The following WDR41 variants were observed in gnomAD, a reference collection of about 807,000 sequenced individuals.
WDR41 encodes WD repeat-containing protein 41.
WDR41 carries 63 observed loss-of-function variants against 69.3 expected under a neutral mutation model. That is an observed-to-expected ratio of 0.91 (90% CI 0.74 to 1.12). WDR41 has a LOEUF of 1.12. Among genes scored for constraint, WDR41 ranks in the 50% most tolerant of loss-of-function variants. WDR41 has a pLI of 0.00. For synonymous variants in WDR41, 185 were observed against 192.1 expected (o/e 0.96, Z 0.31); for missense variants, 543 against 534.5 (o/e 1.02, Z -0.16).
At chr5:77,435,242 A>G (rs1798894037) in intron 12 of WDR41, among the ~76,000 whole-genome samples, 1 of 152,120 alleles carries the variant, frequency 6.6e-6, no homozygotes, top group African/African-American at 2.4e-5. Flanking sequence ...AAGGCTATAT[A>G]CTCATCCTAC....
At chr5:77,529,468 C>A (rs1802495368) in intron 1 of WDR41, among the ~76,000 whole-genome samples, 2 of 151,346 alleles carry the variant, frequency 1.3e-5, no homozygotes, top group South Asian at 2.1e-4. Flanking sequence ...TACAGAGAAA[C>A]AATAAAACCA....
chr5:77,601,554 A>C (rs73765370), intron 1 of WDR41, among the ~76,000 whole-genome samples: 6,001 of 152,264 alleles, frequency 0.039, 381 homozygotes, highest in African/African-American at 0.14. Flanking sequence ...AACTAGCTTG[A>C]AGATGCATTG....
At chr5:77,437,462 A>G (rs779912203) in intron 10 of WDR41, 38 bp from the exon 11 acceptor site, 1 of 1,551,564 alleles carries the variant, frequency 6.4e-7, no homozygotes, top group Admixed American at 1.7e-5. Context: ...AAAAGAGCGC[A>G]CCACTGAGGG....
At chr5:77,588,802 AT>A (rs1744084456) in intron 1 of WDR41, among the ~76,000 whole-genome samples, 2 of 152,198 alleles carry the variant, frequency 1.3e-5, no homozygotes, top group African/African-American at 2.4e-5. Flanking sequence ...TTTAAAAAAA[AT>A]CTTTAATATT....
chr5:77,553,011 A>G (rs1265295399), intron 1 of WDR41, among the ~76,000 whole-genome samples: 3 of 152,228 alleles, frequency 2.0e-5, no homozygotes, highest in Admixed American at 2.0e-4. Flanking sequence ...CACCAACTGC[A>G]TGATCCATAA....
intron 1 of WDR41, among the ~76,000 whole-genome samples, chr5:77,510,842 G>C (rs1802186955): frequency 6.9e-6 from 1 of 144,650 alleles, no homozygotes; most frequent in Admixed American, 7.2e-5. Flanking sequence ...CGTGATCTCG[G>C]CTCACTGCAA....
intron 2 of WDR41, among the ~76,000 whole-genome samples, chr5:77,479,176 T>C (rs1801105667): frequency 1.3e-5 from 2 of 151,722 alleles, no homozygotes; most frequent in Admixed American, 6.6e-5. Context: ...TAAAAGAGGA[T>C]ACAAACAAAT....
chr5:77,435,417 T>C (rs1371933619), intron 12 of WDR41, among the ~76,000 whole-genome samples: 1 of 152,148 alleles, frequency 6.6e-6, no homozygotes, highest in Non-Finnish European at 1.5e-5. Flanking sequence ...CACTCAAGGG[T>C]AAGATCCATG....
Position 77,453,880 on chromosome 5 carries a change from C to T in WDR41, c.460G>A (p.Asp154Asn). 6.2e-7 allele frequency: 1 copy of T among 1,614,106 alleles called. No individual in the cohort carries two copies. Among genetic ancestry groups the T allele is most frequent in the Non-Finnish European group, 8.5e-7 (1 of 1,179,998 alleles). The change falls in exon 6 of 13, where the codon GAC becomes AAC. Residue 154 changes from aspartate to asparagine, a missense_variant. By Grantham distance (23) the Asp-to-Asn change is conservative. Coordinates refer to ENST00000296679, the MANE Select transcript of WDR41 (RefSeq NM_018268.4). The part of the protein sequence containing the change: ...RLDVWLSGGN[D>N]LCVWNRKLDL... ...AATTTTCGGTTCCACACACACAGGT[C>T]ATTCCCACCAGAAAGCCAAACATCT...
intron 8 of WDR41, among the ~76,000 whole-genome samples, chr5:77,444,000 C>A (rs1257038057): frequency 6.6e-6 from 1 of 151,574 alleles, no homozygotes; most frequent in African/African-American, 2.4e-5. Flanking sequence ...CCTGTCTCAG[C>A]CTCCTGTGTA....
At chr5:77,572,077 G>A (rs914571380) in intron 1 of WDR41, among the ~76,000 whole-genome samples, 1 of 151,946 alleles carries the variant, frequency 6.6e-6, no homozygotes, top group Non-Finnish European at 1.5e-5. Context: ...AAAAACCAAA[G>A]AATATGAAAG....
Position 77,469,338 on chromosome 5 carries a change from A to G in WDR41, c.168-4529T>C, listed in dbSNP as rs560298802. 1.1e-4 allele frequency among the ~76,000 whole-genome samples: 16 copies of G among 152,258 alleles called. No homozygotes were observed. In the East Asian group the frequency reaches 2.9e-3, roughly 28 times the overall value. On this transcript the variant is annotated intron_variant, in intron 2 of 12. Transcript: ENST00000296679. ...GCACACCAACACGGCACATGTATAC[A>G]TATGTAACAAACCTGCATGTTGTGC...
rs141792647 is a variant in WDR41, at chr5:77,501,016, G to A, written c.43-11444C>T. 7.3e-3 allele frequency among the ~76,000 whole-genome samples: 1,119 copies of A among 152,304 alleles called. 12 individuals are homozygous for A. Among genetic ancestry groups the A allele is most frequent in the Middle Eastern group, 0.031 (9 of 294 alleles). ...ATGAGGTACCTGGTTCATCTCATTG[G>A]GACTGCTTGGACAGTGGGCACAACC... On this transcript the variant is annotated intron_variant, in intron 1 of 5. Coordinates refer to the WDR41 transcript ENST00000509971.
intron 12 of WDR41, among the ~76,000 whole-genome samples, 170 bp from the exon 13 acceptor site, chr5:77,433,457 A>T (rs181500219): frequency 1.3e-5 from 2 of 152,352 alleles, no homozygotes; most frequent in African/African-American, 4.8e-5. Context: ...AATAATATCT[A>T]ATATTTTAAT....
intron 2 of WDR41, among the ~76,000 whole-genome samples, chr5:77,476,494 C>T (rs997860340): frequency 6.6e-6 from 1 of 152,136 alleles, no homozygotes; most frequent in African/African-American, 2.4e-5. Context: ...ACTCTACAAG[C>T]CAGAAGACAG....
chr5:77,489,897 G>A (rs1313873437), intron 1 of WDR41, among the ~76,000 whole-genome samples: 1 of 151,868 alleles, frequency 6.6e-6, no homozygotes, highest in South Asian at 2.1e-4. Flanking sequence ...AAAAGTAATG[G>A]GCCAATCCAA....
At chr5:77,466,646 C>A (rs1348250138) in intron 2 of WDR41, among the ~76,000 whole-genome samples, 2 of 151,760 alleles carry the variant, frequency 1.3e-5, no homozygotes, top group Admixed American at 1.3e-4. Context: ...GAGCATTTAA[C>A]CTCAAACTTT....
Position 77,459,103 on chromosome 5 carries a change from T to A in WDR41, c.370A>T (p.Arg124Ter). 6.2e-7 allele frequency: 1 copy of A among 1,602,160 alleles called. No homozygotes were observed. Among genetic ancestry groups the A allele is most frequent in the Non-Finnish European group, 8.5e-7 (1 of 1,172,470 alleles). Residue 124 changes from arginine (R) to a stop codon, truncating the protein, a stop_gained, in exon 5 of 13, where the codon AGA becomes TGA. Coordinates refer to ENST00000296679, the MANE Select transcript of WDR41 (RefSeq NM_018268.4). LOFTEE classifies it high-confidence loss of function. Reference protein sequence around the residue: ...TVIVWDGDTTRQVQRISCFQS... With the variant: ...TVIVWDGDTT ...AAGCATGATATTCTCTGAACTTGTC[T>A]GGTAGTATCACCATCCCACACCTAA...
chr5:77,504,802 A>C (rs1336861246), intron 1 of WDR41, among the ~76,000 whole-genome samples: 1 of 152,236 alleles, frequency 6.6e-6, no homozygotes, highest in South Asian at 2.1e-4. Flanking sequence ...GATGCAGTAA[A>C]GGCCTTCGAC....
Sources: allele counts gnomAD v4.1 joint callset (sites outside exome capture counted in the v4.1 genomes callset), GRCh38; gene constraint gnomAD v4.1.1; transcripts MANE v1.5; gene names NCBI Gene and HGNC (gene_info 2026-07-23, HGNC 2026-07-21).